ARHGEF2: variants seen among roughly 807,000 people sequenced by gnomAD.
The protein encoded by ARHGEF2 is Rho/Rac guanine nucleotide exchange factor 2.
ARHGEF2 carries 22 observed loss-of-function variants against 121.0 expected under a neutral mutation model. That is an observed-to-expected ratio of 0.18 (90% confidence interval 0.13 to 0.26). The LOEUF (loss-of-function observed/expected upper bound fraction) is 0.26, where lower values mean the gene tolerates loss of function less well. ARHGEF2 is among the 10% of genes least tolerant of loss of function. The probability of loss-of-function intolerance (pLI) is 1.00; values close to 1 mark genes in which losing one functional copy is unlikely to be tolerated. For missense variants in ARHGEF2, 907 were observed against 1,336.0 expected (o/e 0.68, Z 5.01); for synonymous variants, 487 against 530.0 (o/e 0.92, Z 1.11).
At chr1:155,968,546 A>G (rs1292048158) in intron 2 of ARHGEF2, 1 of 152,326 alleles carries the variant, frequency 6.6e-6, no homozygotes, top group East Asian at 1.9e-4. Context: ...GATGAAGGGC[A>G]GGAATTCTAA....
Position 155,950,404 on chromosome 1 carries a change from G to T in ARHGEF2, c.2782C>A (p.Gln928Lys), listed in dbSNP as rs1211892341. Residue 928 changes from glutamine (Q) to lysine (K), a missense_variant, in exon 21 of 22, where the codon CAG becomes AAG. Gln to Lys is a moderately conservative substitution (Grantham distance 53, BLOSUM62 1). Coordinates refer to ENST00000361247, the MANE Select transcript of ARHGEF2 (RefSeq NM_001162383.2). This position sits in a 1 kb window ranked among gnomAD's most constrained non-coding sequence, Gnocchi z 5.2. ...CGCTCTTCGGGGCTCCCCAGTTCCT[G>T]CCTCTCTCGGTCCTCAAAGTTTCGA... ...VHRNFEDRER[Q>K]ELGSPEERLQ... The T allele has an allele frequency of 6.2e-7, 1 of 1,614,102 alleles. No individual in the cohort carries two copies. The highest frequency in any genetic ancestry group is 2.2e-5 in the East Asian group (1 of 44,886).
Position 155,947,536 on chromosome 1 carries a change from G to A in ARHGEF2, c.*406C>T. 1 of 416,790 alleles carries A rather than the reference G, an allele frequency of 2.4e-6. No individual in the cohort carries two copies. The highest frequency in any genetic ancestry group is 1.7e-5 in the South Asian group (1 of 58,444). 25.8% of individuals were successfully genotyped at this position (416,790 alleles called of 1,614,324 possible). ...GGATGTTGCAGGGGAGGGCCGTTAG[G>A]GCAAGAACCCAGCAGCTGCGTGGAT... On this transcript the variant is annotated 3_prime_UTR_variant, in exon 22 of 22. Transcript: ENST00000361247.
rs1358949997 is a variant in ARHGEF2, at chr1:155,962,473, T to C, written c.1101+120A>G. On this transcript the variant is annotated intron_variant, in intron 9 of 21. Transcript: ENST00000361247. The surrounding 1 kb of genome is among the most constrained non-coding windows in gnomAD (Gnocchi z 5.8). The stretch of plus-strand genomic sequence containing the variant: ...ACTGCTGACAGGATCTGTGTATGGA[T>C]GGTCTGCACGGGTGGCGAATGCCTG... The C allele has an allele frequency of 7.1e-7, 1 of 1,399,716 alleles. No homozygotes were observed. Among genetic ancestry groups the C allele is most frequent in the Non-Finnish European group, 9.9e-7 (1 of 1,014,392 alleles). The allele number at this position is 1,399,716 out of a possible 1,614,324, so 86.7% of individuals were successfully genotyped here. A position where few individuals can be genotyped will look rare whatever the true frequency, so the allele number is the denominator to read the frequency against.
chr1:155,957,511 G>A (rs1250620352), intron 13 of ARHGEF2, among the ~76,000 whole-genome samples: 1 of 152,220 alleles, frequency 6.6e-6, no homozygotes, highest in East Asian at 1.9e-4. Flanking sequence ...AGGGAGTTGA[G>A]GTTGGCAATG....
intron 14 of ARHGEF2, among the ~76,000 whole-genome samples, chr1:155,954,140 T>A (rs996620808): frequency 6.6e-6 from 1 of 151,172 alleles, no homozygotes; most frequent in Non-Finnish European, 1.5e-5. Context: ...TTTTTTTTTT[T>A]AATTTTTTGT....
Position 155,950,263 on chromosome 1 carries a change from C to A in ARHGEF2, c.2887+36G>T. The A allele has an allele frequency of 6.2e-7, 1 of 1,606,730 alleles. No homozygotes were observed. The highest frequency in any genetic ancestry group is 8.5e-7 in the Non-Finnish European group (1 of 1,178,902). ...CCCAATGGCCTGTACCCAGGCTGCA[C>A]TCTACCTCTGGTCCATGTCTCCGCC... On this transcript the variant is annotated intron_variant, in intron 21 of 21. Coordinates refer to ENST00000361247, the MANE Select transcript of ARHGEF2 (RefSeq NM_001162383.2). This position sits in a 1 kb window ranked among gnomAD's most constrained non-coding sequence, Gnocchi z 5.2.
chr1:155,947,517 T>C lies in ARHGEF2; in HGVS notation c.*425A>G, dbSNP rs1674592604. 2.3e-6 allele frequency: 1 copy of C among 435,838 alleles called. No homozygotes were observed. The highest frequency in any genetic ancestry group is 2.0e-5 in the African/African-American group (1 of 49,418). 27.0% of individuals were successfully genotyped at this position (435,838 alleles called of 1,614,324 possible). ...GCAGCCTCTCCTCCAAGACGGATGT[T>C]GCAGGGGAGGGCCGTTAGGGCAAGA... On this transcript the variant is annotated 3_prime_UTR_variant, in exon 22 of 22. Transcript: ENST00000361247.
rs544870775 is a variant in ARHGEF2 at position 155,954,282 on chromosome 1, C to CTTTT, written c.1783+616_1783+619dup. Among the ~76,000 whole-genome samples, 57 of 108,464 alleles carry CTTTT rather than the reference C, an allele frequency of 5.3e-4. 1 individual carries two copies. The highest frequency in any genetic ancestry group is 7.2e-4 in the Non-Finnish European group (39 of 54,086). 71.2% of individuals were successfully genotyped at this position (108,464 alleles called of 152,430 possible). ...GCCACTGCATCCAGCCAATCTACTTCTTTTTTTTTTTTTTTTTTTGAGATG... is the reference window on the plus strand; with the variant it reads ...GCCACTGCATCCAGCCAATCTACTTCTTTTTTTTTTTTTTTTTTTTTTTGAGATG... On this transcript the variant is annotated intron_variant, in intron 14 of 21. Transcript: ENST00000361247.
chr1:155,973,141 C>T (rs1411050618), intron 1 of ARHGEF2, among the ~76,000 whole-genome samples: 2 of 152,134 alleles, frequency 1.3e-5, no homozygotes. Context: ...ATACAATAGG[C>T]ACCCAATACA....
chr1:155,950,924 G>T lies in ARHGEF2; in HGVS notation c.2608C>A (p.Pro870Thr). The T allele has an allele frequency of 1.2e-6, 2 of 1,603,838 alleles. No individual in the cohort carries two copies. Among genetic ancestry groups the T allele is most frequent in the South Asian group, 2.2e-5 (2 of 90,342 alleles). ...CTGCGGGCCCAGGGGGCCTCAGCTG[G>T]GAGTGGCTCGGTCTGGCCCAGGGCG... Reference protein sequence around the residue: ...LAALGQTEPLPAEAPWARRPV... With the variant: ...LAALGQTEPLTAEAPWARRPV... The change falls in exon 20 of 22, where the codon CCA becomes ACA. Residue 870 changes from proline (P) to threonine (T), a missense_variant. Transcript: ENST00000361247. The surrounding 1 kb of genome is among the most constrained non-coding windows in gnomAD (Gnocchi z 5.2).
At position 155,962,384 on chromosome 1, in the gene ARHGEF2, C is replaced by T; in HGVS notation, c.1102-162G>A. The T allele has an allele frequency of 9.9e-7, 1 of 1,011,998 alleles. No individual in the cohort carries two copies. Among genetic ancestry groups the T allele is most frequent in the Non-Finnish European group, 1.4e-6 (1 of 690,238 alleles). 62.7% of individuals were successfully genotyped at this position (1,011,998 alleles called of 1,614,324 possible). A position where few individuals can be genotyped will look rare whatever the true frequency, so the allele number is the denominator to read the frequency against. On this transcript the variant is annotated intron_variant, in intron 9 of 21. Coordinates refer to ENST00000361247, the MANE Select transcript of ARHGEF2 (RefSeq NM_001162383.2). This position sits in a 1 kb window ranked among gnomAD's most constrained non-coding sequence, Gnocchi z 5.8. The stretch of plus-strand genomic sequence containing the variant: ...CAACGCCACAGGTTTGTTGTGAGGA[C>T]CAACTGAAGGAGCAAAAAGTACTTG...
chr1:155,967,366 C>T (rs1044564630), intron 2 of ARHGEF2, among the ~76,000 whole-genome samples: 4 of 152,166 alleles, frequency 2.6e-5, no homozygotes, highest in Admixed American at 6.5e-5. Flanking sequence ...ATCCTAACCA[C>T]CCGTAGAGGG....
At chr1:155,979,217 G>C, upstream of ARHGEF2, 1 of 985,556 alleles carries the variant, frequency 1.0e-6, no homozygotes, top group Non-Finnish European at 1.2e-6. Flanking sequence ...CCTCCTCCTA[G>C]CTCCGCCTCT....
intron 1 of ARHGEF2, among the ~76,000 whole-genome samples, chr1:155,971,714 T>C (rs1680499601): frequency 6.6e-6 from 1 of 151,648 alleles, no homozygotes; most frequent in South Asian, 2.1e-4. Flanking sequence ...CAGCCTTCTA[T>C]ATAACTCAAA....
intron 7 of ARHGEF2, 21 bp from the exon 8 acceptor site, chr1:155,963,204 T>C (rs761536297): frequency 6.2e-7 from 1 of 1,600,372 alleles, no homozygotes. Flanking sequence ...CATTGGGACA[T>C]TTGGCCTCTA....
At chr1:155,958,179 T>C in intron 12 of ARHGEF2, 141 bp downstream of exon 12, 1 of 702,304 alleles carries the variant, frequency 1.4e-6, no homozygotes, top group South Asian at 1.9e-5. Context: ...GCTGCTCTTA[T>C]TTTTTATTAT....
rs1423427440 is a variant in ARHGEF2 at position 155,965,709 on chromosome 1, C to T, written c.392G>A (p.Arg131Gln). The T allele has an allele frequency of 5.0e-6, 8 of 1,606,038 alleles. No homozygotes were observed. The highest frequency in any genetic ancestry group is 2.2e-5 in the East Asian group (1 of 44,854). The change falls in exon 5 of 22, where the codon CGG becomes CAG. Residue 131 changes from arginine (R) to glutamine (Q), a missense_variant. Arg to Gln is a conservative substitution (Grantham distance 43, BLOSUM62 1). Around this residue, in one of 2 missense-constraint regions of ARHGEF2, gnomAD observed 475 missense variants for 776.5 expected, o/e 0.61. Transcript: ENST00000361247. This position sits in a 1 kb window ranked among gnomAD's most constrained non-coding sequence, Gnocchi z 6.0. Reference sequence around the variant, plus strand: ...ACGGCGGGAGCCCAGGAGGGACTGCCGGAAGCTGTCGGAGGGGTAGATGGC... The same window carrying T: ...ACGGCGGGAGCCCAGGAGGGACTGCTGGAAGCTGTCGGAGGGGTAGATGGC... ...SSAIYPSDSF[R>Q]QSLLGSRRGR... is the part of the protein sequence containing the mutation.
chr1:155,955,663 G>C (rs946162853), intron 13 of ARHGEF2, among the ~76,000 whole-genome samples: 1 of 152,008 alleles, frequency 6.6e-6, no homozygotes, highest in Non-Finnish European at 1.5e-5. Flanking sequence ...AAAGTGCTTT[G>C]AACATAACAG....
rs777615385 is a variant in ARHGEF2 at position 155,954,929 on chromosome 1, C to G, written c.1756G>C (p.Asp586His). ...TTAATTCGCCGCAGGTAAGCCTCAT[C>G]CTCTGTCTCAATCAGGGGGAAGTCC... ...REDFPLIETE[D>H]EAYLRRIKME... Residue 586 changes from aspartate to histidine, a missense_variant, in exon 14 of 22, where the codon GAT (aspartate) becomes CAT (histidine). By Grantham distance (81) the Asp-to-His change is moderately conservative. This residue lies in a region of ARHGEF2 where 432 missense variants were observed against 559.5 expected (regional missense o/e 0.77). Transcript: ENST00000361247. 16 of 1,611,816 alleles carry G rather than the reference C, an allele frequency of 9.9e-6. No individual in the cohort carries two copies. In the African/African-American group the frequency reaches 1.6e-4, roughly 16 times the overall value.
Sources: gnomAD v4.1 joint callset for allele counts (sites outside exome capture counted in the v4.1 genomes callset) on GRCh38, gnomAD v4.1.1 for gene constraint, gnomAD v4.1.1 regional missense constraint, Gnocchi (gnomAD v3.1) non-coding constraint, MANE v1.5 for transcripts, NCBI Gene and HGNC (gene_info 2026-07-23, HGNC 2026-07-21) for gene names.